NFATC1: variants seen among roughly 807,000 people sequenced by gnomAD.
NFATC1 encodes nuclear factor of activated T cells 1, also known as nuclear factor of activated T-cells, cytoplasmic 1.
Under a neutral mutation model 76.0 loss-of-function variants are expected in NFATC1, and 22 were observed. That is an observed-to-expected ratio of 0.29 (90% CI 0.21 to 0.41). The LOEUF is 0.41. NFATC1 is among the 10% of genes least tolerant of loss of function. NFATC1 has a pLI of 1.00. For synonymous variants in NFATC1, 704 were observed against 613.1 expected, an observed-to-expected ratio of 1.15 and a Z score of -2.19; for missense variants, 1,357 against 1,337.7, an observed-to-expected ratio of 1.01 and a Z score of -0.23.
chr18:79,404,242 C>T (rs572859531), intron 1 of NFATC1, among the ~76,000 whole-genome samples: 1 of 152,348 alleles, frequency 6.6e-6, no homozygotes, highest in East Asian at 1.9e-4. Flanking sequence ...CTTATTAAGG[C>T]GTTGGCGTGC....
intron 3 of NFATC1, among the ~76,000 whole-genome samples, chr18:79,442,354 T>G (rs2087012615): frequency 6.6e-6 from 1 of 152,220 alleles, no homozygotes; most frequent in Non-Finnish European, 1.5e-5. Flanking sequence ...CTCTGCTGCC[T>G]TCGTGCAGGT....
chr18:79,463,072 G>A (rs1040487454), intron 7 of NFATC1, among the ~76,000 whole-genome samples: 2 of 152,200 alleles, frequency 1.3e-5, no homozygotes, highest in Admixed American at 6.5e-5. Flanking sequence ...CGACTTCAGC[G>A]CCCTTCCCCC....
At chr18:79,423,129 G>C (rs542769159) in intron 2 of NFATC1, among the ~76,000 whole-genome samples, 2 of 151,842 alleles carry the variant, frequency 1.3e-5, no homozygotes, top group African/African-American at 4.8e-5. Flanking sequence ...GGATGACTTC[G>C]ATTTTTCCAA....
chr18:79,513,076 A>G (rs1186949734), intron 9 of NFATC1, among the ~76,000 whole-genome samples: 1 of 152,212 alleles, frequency 6.6e-6, no homozygotes, highest in East Asian at 1.9e-4. Flanking sequence ...AAACGGTATC[A>G]CTTTCGAACG....
intron 3 of NFATC1, among the ~76,000 whole-genome samples, chr18:79,435,373 C>T (rs1160335102): frequency 1.4e-5 from 2 of 143,484 alleles, no homozygotes; most frequent in Non-Finnish European, 3.0e-5. Flanking sequence ...TTTTTTGAGA[C>T]GGAGTCTCGC....
At chr18:79,487,248 G>A (rs945595110) in intron 9 of NFATC1, among the ~76,000 whole-genome samples, 1 of 152,244 alleles carries the variant, frequency 6.6e-6, no homozygotes, top group Non-Finnish European at 1.5e-5. Flanking sequence ...GTTTGCTTCT[G>A]CAGCTGAATA....
At chr18:79,475,905 G>A (rs2089047186) in intron 8 of NFATC1, among the ~76,000 whole-genome samples, 1 of 152,244 alleles carries the variant, frequency 6.6e-6, no homozygotes, top group Admixed American at 6.5e-5. Context: ...AGAAATCAGA[G>A]ATGAGGGGAG....
intron 1 of NFATC1, among the ~76,000 whole-genome samples, chr18:79,405,090 G>C (rs947456795): frequency 6.6e-6 from 1 of 152,200 alleles, no homozygotes; most frequent in Non-Finnish European, 1.5e-5. Flanking sequence ...CCGCGTGGCC[G>C]TCTGTCCTAG....
chr18:79,443,745 T>C (rs143600446), intron 3 of NFATC1, among the ~76,000 whole-genome samples: 2 of 152,136 alleles, frequency 1.3e-5, no homozygotes, highest in Non-Finnish European at 2.9e-5. Context: ...CCTGGTCCTG[T>C]CCCCCTAGCC....
Position 79,483,215 on chromosome 18 carries a change from T to C in NFATC1, c.2093-3033T>C, listed in dbSNP as rs1191649386. ...GCGTGACCTGGTTCCTGGGGTGTAATTCCAGCGTGACCTGGTCCTGGGGTG... is the reference window on the plus strand; with the variant it reads ...GCGTGACCTGGTTCCTGGGGTGTAACTCCAGCGTGACCTGGTCCTGGGGTG... On this transcript the variant is annotated intron_variant, in intron 8 of 9. Transcript: ENST00000427363. Among the ~76,000 whole-genome samples the C allele has an allele frequency of 4.0e-4, 48 of 119,394 alleles. 1 individual carries two copies. Among genetic ancestry groups the C allele is most frequent in the African/African-American group, 1.0e-3 (32 of 31,504 alleles). The allele number at this position is 119,394 out of a possible 152,430, so 78.3% of individuals were successfully genotyped here. A position where few individuals can be genotyped will look rare whatever the true frequency, so the allele number is the denominator to read the frequency against.
At chr18:79,478,559 A>C (rs942084241) in intron 8 of NFATC1, among the ~76,000 whole-genome samples, 4 of 152,142 alleles carry the variant, frequency 2.6e-5, no homozygotes, top group African/African-American at 9.7e-5. Context: ...CCGGGTAGGG[A>C]TGGCAGCCCA....
chr18:79,448,744 T>G, intron 3 of NFATC1, 38 bp from the exon 4 acceptor site: 1 of 1,598,082 alleles, frequency 6.3e-7, no homozygotes, highest in Non-Finnish European at 8.5e-7. Context: ...CGGTCTGTGC[T>G]CTGGGTGCTG....
intron 8 of NFATC1, among the ~76,000 whole-genome samples, chr18:79,481,929 GTGGTCCTGGGGTGTCACTCCAGCA>G (rs2089288400): frequency 2.7e-5 from 3 of 112,286 alleles, no homozygotes; most frequent in South Asian, 3.0e-4. Flanking sequence ...CCAGTGTGAC[GTGGTCCTGGGGTGTCACTCCAGCA>G]TGACCTGGTT....
At chr18:79,470,001 G>A in intron 8 of NFATC1, 2 of 985,462 alleles carry the variant, frequency 2.0e-6, no homozygotes, top group Non-Finnish European at 2.4e-6. Flanking sequence ...AATAAATAAT[G>A]AATAGAAACC....
intron 8 of NFATC1, chr18:79,470,560 C>T (rs894575684): frequency 3.3e-5 from 5 of 152,240 alleles, no homozygotes; most frequent in Non-Finnish European, 7.3e-5. Flanking sequence ...CACAGGGAGG[C>T]CCCTCCGAGA....
Position 79,472,159 on chromosome 18 carries a change from C to T in NFATC1, c.2092+4577C>T, listed in dbSNP as rs368001146. On this transcript the variant is annotated intron_variant, in intron 8 of 9. Transcript: ENST00000427363. ...GCTTAGGGTGTGAGCCGTGGGGGGG[C>T]GGGGGGCGGCTGTGAAACTGAGGTC... is the stretch of plus-strand genomic sequence containing the variant. Among the ~76,000 whole-genome samples, 795 of 151,536 alleles carry T rather than the reference C, an allele frequency of 5.2e-3. 9 individuals carry two copies. Among genetic ancestry groups the T allele is most frequent in the African/African-American group, 0.018 (732 of 41,248 alleles).
At chr18:79,482,234 A>G (rs1269070209) in intron 8 of NFATC1, among the ~76,000 whole-genome samples, 392 of 50,322 alleles carry the variant, frequency 7.8e-3, no homozygotes, top group Middle Eastern at 0.025. Flanking sequence ...CCTGCTCCTG[A>G]GGTGTCACTC....
intron 9 of NFATC1, among the ~76,000 whole-genome samples, chr18:79,492,321 G>T (rs976248318): frequency 2.0e-5 from 3 of 152,136 alleles, no homozygotes; most frequent in African/African-American, 7.2e-5. Flanking sequence ...GGCTCACTTT[G>T]GGAGGCCTAG....
chr18:79,477,122 G>A (rs1309173305), intron 8 of NFATC1, among the ~76,000 whole-genome samples: 2 of 152,212 alleles, frequency 1.3e-5, no homozygotes, highest in Non-Finnish European at 2.9e-5. Context: ...CGAGGGATGG[G>A]TGATAAGGCA....
Sources: allele counts gnomAD v4.1 joint callset (sites outside exome capture counted in the v4.1 genomes callset), GRCh38; gene constraint gnomAD v4.1.1; transcripts MANE v1.5; gene names NCBI Gene and HGNC (gene_info 2026-07-23, HGNC 2026-07-21).